The following KLHL29 variants were observed in gnomAD, a reference collection of about 807,000 sequenced individuals.
The protein encoded by KLHL29 is kelch-like protein 29.
A neutral mutation model predicts 80.4 loss-of-function variants in KLHL29; 21 were observed. The ratio of observed to expected loss-of-function variants is 0.26; its 90% CI spans 0.19 to 0.38. The LOEUF (loss-of-function observed/expected upper bound fraction) is 0.38. Ranked by LOEUF, KLHL29 falls within the 10% of genes least tolerant of loss-of-function variation. The pLI is 1.00. For synonymous variants in KLHL29, 511 were observed against 526.8 expected, an observed-to-expected ratio of 0.97 and a Z score of 0.41; for missense variants, 867 against 1,223.9, an observed-to-expected ratio of 0.71 and a Z score of 4.35.
intron 2 of KLHL29, among the ~76,000 whole-genome samples, chr2:23,476,619 A>G (rs1467711767): frequency 6.6e-6 from 1 of 152,240 alleles, no homozygotes; most frequent in Non-Finnish European, 1.5e-5. Flanking sequence ...AATAGCATAC[A>G]TGATTCACTT....
At chr2:23,529,818 G>T (rs13411948) in intron 2 of KLHL29, among the ~76,000 whole-genome samples, 1 of 152,272 alleles carries the variant, frequency 6.6e-6, no homozygotes, top group South Asian at 2.1e-4. Flanking sequence ...ACAGCCTGGG[G>T]GGCCGCATTT....
At chr2:23,393,395 C>G (rs1391773445) in intron 1 of KLHL29, among the ~76,000 whole-genome samples, 1 of 152,180 alleles carries the variant, frequency 6.6e-6, no homozygotes, top group Admixed American at 6.5e-5. Context: ...AAGACTAATT[C>G]TCTCTTGGAG....
intron 8 of KLHL29, among the ~76,000 whole-genome samples, chr2:23,694,018 G>A (rs184890419): frequency 1.3e-5 from 2 of 152,334 alleles, no homozygotes; most frequent in Non-Finnish European, 2.9e-5. Context: ...AGATCAGGTG[G>A]GAGGCAGGGT....
At chr2:23,507,553 T>C (rs540137185) in intron 2 of KLHL29, among the ~76,000 whole-genome samples, 3 of 152,314 alleles carry the variant, frequency 2.0e-5, no homozygotes, top group East Asian at 1.9e-4. Context: ...CCTGACTTTG[T>C]AGTGCCTCTC....
chr2:23,460,837 G>A (rs968645649), intron 1 of KLHL29, among the ~76,000 whole-genome samples: 1 of 152,024 alleles, frequency 6.6e-6, no homozygotes, highest in Non-Finnish European at 1.5e-5. Flanking sequence ...AGGGAGCATC[G>A]TGCAAACTCA....
intron 3 of KLHL29, among the ~76,000 whole-genome samples, chr2:23,584,346 G>C (rs920245177): frequency 1.6e-4 from 24 of 152,194 alleles, no homozygotes; most frequent in African/African-American, 5.8e-4. Context: ...GCAGAGCTGC[G>C]TACCCTGCTC....
chr2:23,539,942 G>A (rs966945339), intron 2 of KLHL29, among the ~76,000 whole-genome samples: 5 of 152,130 alleles, frequency 3.3e-5, no homozygotes, highest in Non-Finnish European at 7.3e-5. Context: ...TCGTCCCATC[G>A]TTCCACCTCA....
At chr2:23,423,951 T>G (rs1033158189) in intron 1 of KLHL29, among the ~76,000 whole-genome samples, 2 of 152,176 alleles carry the variant, frequency 1.3e-5, no homozygotes, top group Admixed American at 1.3e-4. Flanking sequence ...CCATCCTTAG[T>G]GGCTTCGCTG....
intron 5 of KLHL29, among the ~76,000 whole-genome samples, chr2:23,677,920 A>G (rs146650432): frequency 1.4e-3 from 219 of 152,310 alleles, no homozygotes; most frequent in African/African-American, 5.2e-3. Context: ...TTTATCACCT[A>G]GCTGGGTTCT....
intron 3 of KLHL29, among the ~76,000 whole-genome samples, chr2:23,604,900 C>T (rs957593872): frequency 6.6e-6 from 1 of 152,172 alleles, no homozygotes; most frequent in Non-Finnish European, 1.5e-5. Context: ...GCCAGGGAAG[C>T]AGTTGTCCCC....
intron 5 of KLHL29, among the ~76,000 whole-genome samples, chr2:23,654,475 T>G (rs1296630566): frequency 2.0e-5 from 3 of 152,218 alleles, no homozygotes; most frequent in Non-Finnish European, 2.9e-5. Context: ...TTTTCAGTCT[T>G]TCTTTTATAT....
Position 23,562,947 on chromosome 2 carries a change from C to T in KLHL29, c.285+466C>T, listed in dbSNP as rs985574773. On this transcript the variant is annotated intron_variant, in intron 3 of 13. Coordinates refer to ENST00000486442, the MANE Select transcript of KLHL29 (RefSeq NM_052920.2). The surrounding 1 kb of genome is among the most constrained non-coding windows in gnomAD (Gnocchi z 4.5). ...CCACTGGGCCTCGTGTTCTCATATC[C>T]GTTGTCTCTTCTGAGCCTTGCCACA... is the stretch of plus-strand genomic sequence containing the variant. Among the ~76,000 whole-genome samples, 4 of 152,184 alleles carry T rather than the reference C, an allele frequency of 2.6e-5. No individual in the cohort carries two copies. The highest frequency in any genetic ancestry group is 4.4e-5 in the Non-Finnish European group (3 of 68,024).
At chr2:23,670,102 G>C (rs557632606) in intron 5 of KLHL29, 16 of 98,510 alleles carry the variant, frequency 1.6e-4, no homozygotes, top group African/African-American at 5.9e-4. Context: ...CGTGTAGATC[G>C]TCACGTGGAG....
intron 3 of KLHL29, among the ~76,000 whole-genome samples, chr2:23,603,321 C>T (rs1186198515): frequency 6.6e-6 from 1 of 152,162 alleles, no homozygotes; most frequent in African/African-American, 2.4e-5. Context: ...CACCTCCAAC[C>T]AGCAGTCAAG....
At chr2:23,575,297 T>C (rs1229887313) in intron 3 of KLHL29, among the ~76,000 whole-genome samples, 1 of 152,170 alleles carries the variant, frequency 6.6e-6, no homozygotes, top group Admixed American at 6.5e-5. Context: ...GCAGGTTATA[T>C]GTCTCACCAG....
chr2:23,541,256 G>A (rs991500991), intron 2 of KLHL29, among the ~76,000 whole-genome samples: 1 of 152,190 alleles, frequency 6.6e-6, no homozygotes, highest in Non-Finnish European at 1.5e-5. Flanking sequence ...TGGATGCATG[G>A]GTGGATGCAC....
At chr2:23,570,566 G>GC (rs565176746) in intron 3 of KLHL29, among the ~76,000 whole-genome samples, 42 of 152,258 alleles carry the variant, frequency 2.8e-4, no homozygotes, top group African/African-American at 1.0e-3. Flanking sequence ...TTTCCCCTTG[G>GC]CCCCCCGACC....
chr2:23,563,633 G>A (rs551254249), intron 3 of KLHL29, among the ~76,000 whole-genome samples: 25 of 152,324 alleles, frequency 1.6e-4, no homozygotes, highest in African/African-American at 4.8e-4. Flanking sequence ...CTGGAAAGCC[G>A]CGCTCCAGGT....
intron 5 of KLHL29, among the ~76,000 whole-genome samples, chr2:23,656,234 C>T (rs1390408656): frequency 6.6e-6 from 1 of 152,206 alleles, no homozygotes; most frequent in African/African-American, 2.4e-5. Context: ...GGACCGTCGC[C>T]GGCAGATGAA....
Sources: allele counts gnomAD v4.1 joint callset (sites outside exome capture counted in the v4.1 genomes callset), GRCh38; gene constraint gnomAD v4.1.1; non-coding constraint Gnocchi (gnomAD v3.1); transcripts MANE v1.5; gene names NCBI Gene and HGNC (gene_info 2026-07-23, HGNC 2026-07-21).